DCAF12: variants seen among roughly 807,000 people sequenced by gnomAD.
The protein encoded by DCAF12 is DDB1 and CUL4 associated factor 12, also known as DDB1- and CUL4-associated factor 12.
DCAF12 carries 28 observed loss-of-function variants against 52.8 expected under a neutral mutation model. That is an observed-to-expected ratio of 0.53 (90% CI 0.39 to 0.73). The LOEUF (loss-of-function observed/expected upper bound fraction) is 0.73. DCAF12 is among the 30% of genes least tolerant of loss of function. The probability of loss-of-function intolerance (pLI) is 0.00; values close to 1 mark genes in which losing one functional copy is unlikely to be tolerated. For missense variants in DCAF12, 425 were observed against 552.2 expected (o/e 0.77, Z 2.31); for synonymous variants, 196 against 215.5 (o/e 0.91, Z 0.79).
rs779236513 is a variant in DCAF12 at position 34,125,134 on chromosome 9, T to C, written c.222A>G (p.Gln74=). ...SRVLHGYAAQ[Q]LPSLLKEREF... ...CTCTCTCCTTCAGGAGACTGGGAAG[T>C]TGCTGTGCTGCATAACCATGCAACA... Residue 74 remains glutamine (Q), a synonymous_variant, in exon 2 of 9, where the codon CAA becomes CAG. Coordinates refer to ENST00000361264, the MANE Select transcript of DCAF12 (RefSeq NM_015397.4). 2.5e-6 allele frequency: 4 copies of C among 1,614,140 alleles called. No homozygotes were observed. Among genetic ancestry groups the C allele is most frequent in the Non-Finnish European group, 2.5e-6 (3 of 1,180,012 alleles).
intron 6 of DCAF12, among the ~76,000 whole-genome samples, chr9:34,094,852 T>C (rs1183018555): frequency 1.3e-5 from 2 of 151,972 alleles, no homozygotes; most frequent in African/African-American, 2.4e-5. Flanking sequence ...TATCTACATA[T>C]ATGTAAGGAG....
At chr9:34,102,143 G>C (rs1446180658) in intron 4 of DCAF12, among the ~76,000 whole-genome samples, 1 of 151,592 alleles carries the variant, frequency 6.6e-6, no homozygotes, top group African/African-American at 2.4e-5. Context: ...TACAAAATTA[G>C]CCAGGCATGG....
Position 34,107,464 on chromosome 9 carries a change from G to A in DCAF12, c.435C>T (p.Ala145=). 2.5e-6 allele frequency: 4 copies of A among 1,614,162 alleles called. No individual in the cohort carries two copies. Among genetic ancestry groups the A allele is most frequent in the South Asian group, 2.2e-5 (2 of 91,082 alleles). Residue 145 remains alanine, a synonymous_variant, in exon 3 of 9, where the codon GCC becomes GCT. Coordinates refer to ENST00000361264, the MANE Select transcript of DCAF12 (RefSeq NM_015397.4). ...GTGTTCTAGAAGGATTCAGCTCGAT[G>A]GCATGGATACCACAGCCCTGCTGGG... The part of the protein sequence containing the change: ...GVTQQGCGIH[A]IELNPSRTLL...
chr9:34,101,042 A>T (rs1828820395), intron 4 of DCAF12, among the ~76,000 whole-genome samples: 1 of 145,708 alleles, frequency 6.9e-6, no homozygotes, highest in Admixed American at 7.0e-5. Context: ...ATGAACCCAC[A>T]GGGACCACAA....
intron 2 of DCAF12, among the ~76,000 whole-genome samples, chr9:34,119,997 T>C (rs1264608244): frequency 1.3e-5 from 2 of 151,784 alleles, no homozygotes; most frequent in African/African-American, 2.4e-5. Flanking sequence ...TGAGCCACTA[T>C]ACCCAGCCAA....
At chr9:34,115,801 C>T (rs1829079719) in intron 2 of DCAF12, among the ~76,000 whole-genome samples, 1 of 151,900 alleles carries the variant, frequency 6.6e-6, no homozygotes. Context: ...TAATAAAACC[C>T]ACCTGGGCTC....
chr9:34,112,311 C>G (rs943754643), intron 2 of DCAF12, among the ~76,000 whole-genome samples: 3 of 151,830 alleles, frequency 2.0e-5, no homozygotes, highest in African/African-American at 7.3e-5. Context: ...ACAAATGATC[C>G]CAGGCTGAGC....
At chr9:34,114,380 T>C (rs1236010717) in intron 2 of DCAF12, among the ~76,000 whole-genome samples, 1 of 152,150 alleles carries the variant, frequency 6.6e-6, no homozygotes, top group East Asian at 1.9e-4. Flanking sequence ...CTGGCCAATA[T>C]GGTGAAACCT....
rs185009238 is a variant in DCAF12 at position 34,125,657 on chromosome 9, C to T, written c.79-380G>A. The T allele has an allele frequency of 1.5e-5, 7 of 467,802 alleles. No homozygotes were observed. The East Asian group carries it at 4.2e-4, about 28-fold the overall frequency. 29.0% of individuals were successfully genotyped at this position (467,802 alleles called of 1,614,324 possible). ...CCCTTCTCCCTCTCAGTCTGTACTC[C>T]CACTGGAGCACGGAAGATACAGTCC... On this transcript the variant is annotated intron_variant, in intron 1 of 8. Transcript: ENST00000361264.
At position 34,118,295 on chromosome 9, in the gene DCAF12, G is replaced by A. The variant is rs141325556; in HGVS notation, c.333+6728C>T. Among the ~76,000 whole-genome samples the A allele has an allele frequency of 1.9e-3, 282 of 152,102 alleles. 1 individual carries two copies. The highest frequency in any genetic ancestry group is 6.4e-3 in the African/African-American group (267 of 41,464). ...ACCACAGGCATGCGGCATCATGCCC[G>A]GCTAATTTTTGTGTTTTTAGTAGAG... On this transcript the variant is annotated intron_variant, in intron 2 of 8. Coordinates refer to ENST00000361264, the MANE Select transcript of DCAF12 (RefSeq NM_015397.4).
Position 34,089,497 on chromosome 9 carries a change from A to C in DCAF12, c.1118T>G (p.Leu373Arg), listed in dbSNP as rs1285685326. ...LFYDIRAQRF[L>R]EERLSACYGS... ...ATAACAAGCTGAGAGCCTCTCTTCCAGAAATCTCTGAGCTCGGATGTCATA... is the reference window on the plus strand; with the variant it reads ...ATAACAAGCTGAGAGCCTCTCTTCCCGAAATCTCTGAGCTCGGATGTCATA... Residue 373 changes from leucine to arginine, a missense_variant, in exon 8 of 9, where the codon CTG (leucine) becomes CGG (arginine). By Grantham distance (102) the Leu-to-Arg change is moderately radical. Around this residue, in one of 3 missense-constraint regions of DCAF12, gnomAD observed 328 missense variants for 444.4 expected, o/e 0.74. Transcript: ENST00000361264. The C allele has an allele frequency of 6.2e-7, 1 of 1,614,208 alleles. No individual in the cohort carries two copies. The highest frequency in any genetic ancestry group is 1.1e-5 in the South Asian group (1 of 91,088).
intron 4 of DCAF12, among the ~76,000 whole-genome samples, chr9:34,102,390 C>T (rs1264169069): frequency 2.6e-5 from 4 of 152,046 alleles, no homozygotes; most frequent in Non-Finnish European, 5.9e-5. Flanking sequence ...AGGCCGGGCA[C>T]GGTGGCTCAC....
intron 2 of DCAF12, among the ~76,000 whole-genome samples, chr9:34,111,768 G>T (rs2131438164): frequency 6.6e-6 from 1 of 152,284 alleles, no homozygotes; most frequent in South Asian, 2.1e-4. Context: ...GTAACTGGCT[G>T]GTGGCACTAG....
At position 34,090,976 on chromosome 9, in the gene DCAF12, A is replaced by G. The variant is rs1292013236; in HGVS notation, c.1025-1386T>C. 2.0e-5 allele frequency among the ~76,000 whole-genome samples: 3 copies of G among 151,996 alleles called. No individual in the cohort carries two copies. The East Asian group carries it at 5.8e-4, about 29-fold the overall frequency. Reference sequence around the variant, plus strand: ...CCCGGCCCTATTTATTCCTTTCTCTACTACTCTCATTATACATTATTCTTT... The same window carrying G: ...CCCGGCCCTATTTATTCCTTTCTCTGCTACTCTCATTATACATTATTCTTT... On this transcript the variant is annotated intron_variant, in intron 7 of 8. Coordinates refer to ENST00000361264, the MANE Select transcript of DCAF12 (RefSeq NM_015397.4).
chr9:34,088,087 G>T lies in DCAF12; in HGVS notation c.*263C>A. The T allele has an allele frequency of 3.5e-6, 1 of 281,828 alleles. No homozygotes were observed. The highest frequency in any genetic ancestry group is 6.5e-6 in the Non-Finnish European group (1 of 153,028). 17.5% of individuals were successfully genotyped at this position (281,828 alleles called of 1,614,324 possible). A position where few individuals can be genotyped will look rare whatever the true frequency, so the allele number is the denominator to read the frequency against. The stretch of plus-strand genomic sequence containing the variant: ...AATGTGTGTCACTTAAAGAAAAATA[G>T]GGATTAGCAACAATGTTTGGTTGAA... On this transcript the variant is annotated 3_prime_UTR_variant, in exon 9 of 9. Coordinates refer to ENST00000361264, the MANE Select transcript of DCAF12 (RefSeq NM_015397.4).
intron 7 of DCAF12, among the ~76,000 whole-genome samples, chr9:34,093,029 G>C (rs895815299): frequency 2.0e-5 from 3 of 152,244 alleles, no homozygotes; most frequent in African/African-American, 7.2e-5. Context: ...ATTTTTAGTA[G>C]AGACGGGGTT....
chr9:34,116,573 G>A (rs990542712), intron 2 of DCAF12, among the ~76,000 whole-genome samples: 1 of 152,144 alleles, frequency 6.6e-6, no homozygotes, highest in Non-Finnish European at 1.5e-5. Context: ...TACTTGGGAG[G>A]CTGAAGCAGG....
chr9:34,094,130 C>A (rs116939720), intron 6 of DCAF12, among the ~76,000 whole-genome samples: 3 of 152,098 alleles, frequency 2.0e-5, no homozygotes, highest in Non-Finnish European at 4.4e-5. Flanking sequence ...AAAAGCTGGG[C>A]GTGGTGGCTA....
intron 6 of DCAF12, among the ~76,000 whole-genome samples, chr9:34,094,531 CTTTTT>C (rs903364873): frequency 7.1e-6 from 1 of 141,164 alleles, no homozygotes; most frequent in African/African-American, 2.6e-5. Flanking sequence ...ATTTCTCCAG[CTTTTT>C]TTTTTTTTTT....
Sources: gnomAD v4.1 joint callset for allele counts (sites outside exome capture counted in the v4.1 genomes callset) on GRCh38, gnomAD v4.1.1 for gene constraint, gnomAD v4.1.1 regional missense constraint, MANE v1.5 for transcripts, NCBI Gene and HGNC (gene_info 2026-07-23, HGNC 2026-07-21) for gene names.